The following IL1RAPL2 variants were observed in gnomAD, a reference collection of about 807,000 sequenced individuals.
IL1RAPL2 encodes interleukin 1 receptor accessory protein like 2.
Under a neutral mutation model 44.1 loss-of-function variants are expected in IL1RAPL2, and 3 were observed. The observed-to-expected ratio is 0.07, with a 90% CI of 0.03 to 0.18. The LOEUF is 0.18. Ranked by LOEUF, IL1RAPL2 falls within the 10% of genes least tolerant of loss-of-function variation. IL1RAPL2 has a pLI of 1.00. For missense variants in IL1RAPL2, 391 were observed against 496.4 expected, an observed-to-expected ratio of 0.79 and a Z score of 2.02; for synonymous variants, 181 against 178.8, an observed-to-expected ratio of 1.01 and a Z score of -0.10.
chrX:104,647,211 G>A (rs1165711237), intron 1 of IL1RAPL2: 2 of 339,992 alleles, frequency 5.9e-6, no homozygotes, highest in African/African-American at 5.2e-5. Context: ...CACTGGGACA[G>A]CTGGAGGAGG....
At chrX:104,582,597 TTTC>T (rs1307024455) in intron 1 of IL1RAPL2, among the ~76,000 whole-genome samples, 23 of 28,614 alleles carry the variant, frequency 8.0e-4, no homozygotes, top group African/African-American at 3.6e-3. Context: ...TTTCTTTCTT[TTTC>T]TTTCTTTCTT....
intron 6 of IL1RAPL2, among the ~76,000 whole-genome samples, chrX:105,687,035 G>T: frequency 9.0e-6 from 1 of 111,680 alleles, no homozygotes; most frequent in Non-Finnish European, 1.9e-5. Context: ...TGAGAACAAA[G>T]ACACAATGTA....
In IL1RAPL2 at chrX:104,732,501, CAATA is replaced by C. The variant is rs774413125; in HGVS notation, c.82+73514_82+73517del. On this transcript the variant is annotated intron_variant, in intron 2 of 10. Transcript: ENST00000372582. The stretch of plus-strand genomic sequence containing the variant: ...TAACAATATCTTGAAAAACTTTGTA[CAATA>C]AATAAATCATAGAATTGAACAAATG... Among the ~76,000 whole-genome samples, 62 of 111,396 alleles carry C rather than the reference CAATA, an allele frequency of 5.6e-4. No homozygotes were observed. The Middle Eastern group carries it at 0.019, about 34-fold the overall frequency.
chrX:105,583,292 T>C (rs2037102537), intron 6 of IL1RAPL2, among the ~76,000 whole-genome samples: 1 of 109,851 alleles, frequency 9.1e-6, no homozygotes, highest in Admixed American at 9.7e-5. Flanking sequence ...GTGACATCAC[T>C]CCCGGCTAAT....
intron 2 of IL1RAPL2, among the ~76,000 whole-genome samples, chrX:104,750,296 C>G (rs1326787143): frequency 1.8e-5 from 2 of 111,037 alleles, no homozygotes; most frequent in East Asian, 5.7e-4. Context: ...GCAATGAAGC[C>G]AAAGGGCAGT....
intron 6 of IL1RAPL2, among the ~76,000 whole-genome samples, chrX:105,585,572 G>A (rs1260481721): frequency 2.7e-5 from 3 of 110,747 alleles, no homozygotes; most frequent in Non-Finnish European, 3.8e-5. Flanking sequence ...GTGTCCATGT[G>A]TTCTCATTGT....
At chrX:104,616,161 C>T (rs1367585336) in intron 1 of IL1RAPL2, among the ~76,000 whole-genome samples, 1 of 112,233 alleles carries the variant, frequency 8.9e-6, no homozygotes, top group Admixed American at 9.4e-5. Context: ...ATTTTCTCCG[C>T]TCTGTATGTT....
chrX:104,642,047 G>C (rs1282521826), intron 1 of IL1RAPL2, among the ~76,000 whole-genome samples: 1 of 111,112 alleles, frequency 9.0e-6, no homozygotes, highest in Non-Finnish European at 1.9e-5. Flanking sequence ...AGCCAAGATT[G>C]CATGATTCCA....
intron 2 of IL1RAPL2, among the ~76,000 whole-genome samples, chrX:104,950,342 G>A (rs908969050): frequency 8.9e-6 from 1 of 112,238 alleles, no homozygotes; most frequent in Admixed American, 9.4e-5. Flanking sequence ...CTCCAGCTGC[G>A]TGCTGGGAGA....
At chrX:105,766,786 G>T (rs552717312) in intron 10 of IL1RAPL2, among the ~76,000 whole-genome samples, 178 bp from the exon 11 acceptor site, 1 of 95,036 alleles carries the variant, frequency 1.1e-5, no homozygotes, top group Non-Finnish European at 2.0e-5. Context: ...AGAAAATAAC[G>T]ATTATAAGCA....
intron 2 of IL1RAPL2, among the ~76,000 whole-genome samples, chrX:105,119,538 A>T (rs2045787492): frequency 1.8e-5 from 2 of 111,645 alleles, no homozygotes; most frequent in African/African-American, 3.3e-5. Context: ...CTGTAGCTTT[A>T]GGTTGTTGTT....
intron 7 of IL1RAPL2, among the ~76,000 whole-genome samples, chrX:105,730,148 G>A (rs1399422333): frequency 9.0e-6 from 1 of 110,818 alleles, no homozygotes; most frequent in Non-Finnish European, 1.9e-5. Flanking sequence ...GACACATATA[G>A]ACTAAAAGTA....
At position 105,417,515 on chromosome X, in the gene IL1RAPL2, C is replaced by T. The variant is rs1286711264; in HGVS notation, c.698-66798C>T. Among the ~76,000 whole-genome samples the T allele has an allele frequency of 8.9e-5, 10 of 112,538 alleles. No individual in the cohort carries two copies. In the Admixed American group the frequency reaches 9.4e-4, roughly 11 times the overall value. On this transcript the variant is annotated intron_variant, in intron 5 of 10. Transcript: ENST00000372582. ...ATTTATATGAAATTATTAGAAAATC[C>T]TGAAAGAAAGAGTATTCATTTGGTC...
chrX:105,209,768 A>G (rs2033793470), intron 3 of IL1RAPL2, among the ~76,000 whole-genome samples: 1 of 112,252 alleles, frequency 8.9e-6, no homozygotes, highest in South Asian at 3.7e-4. Flanking sequence ...GAAAATGTTA[A>G]TATCTTTCCA....
intron 2 of IL1RAPL2, among the ~76,000 whole-genome samples, chrX:104,699,467 T>A (rs1931238228): frequency 1.8e-5 from 2 of 111,550 alleles, no homozygotes; most frequent in Admixed American, 1.9e-4. Context: ...ATCCCGCCCC[T>A]GATCTGACAG....
intron 5 of IL1RAPL2, among the ~76,000 whole-genome samples, chrX:105,270,200 A>G (rs2034436262): frequency 1.8e-5 from 2 of 111,656 alleles, no homozygotes; most frequent in South Asian, 7.4e-4. Flanking sequence ...ATGCTTTCCA[A>G]GGATCATGTT....
rs2038378058 is a variant in IL1RAPL2, at chrX:105,729,102, G to A, written c.903-11444G>A. Among the ~76,000 whole-genome samples the A allele has an allele frequency of 2.7e-5, 3 of 111,069 alleles. No individual in the cohort carries two copies. The Admixed American group carries it at 2.9e-4, about 11-fold the overall frequency. On this transcript the variant is annotated intron_variant, in intron 7 of 10. Transcript: ENST00000372582. ...ATGAATAATATTTTATTGTCTGGATGTACCACAATTGTTTACCCATTTACC... is the reference window on the plus strand; with the variant it reads ...ATGAATAATATTTTATTGTCTGGATATACCACAATTGTTTACCCATTTACC...
intron 2 of IL1RAPL2, among the ~76,000 whole-genome samples, chrX:104,905,499 T>A (rs1443346957): frequency 2.7e-5 from 3 of 111,919 alleles, no homozygotes; most frequent in Non-Finnish European, 5.6e-5. Flanking sequence ...AAAGAAGGGA[T>A]CCAGTTTCAG....
At chrX:105,515,371 C>T (rs2036505042) in intron 6 of IL1RAPL2, among the ~76,000 whole-genome samples, 1 of 112,058 alleles carries the variant, frequency 8.9e-6, no homozygotes, top group African/African-American at 3.2e-5. Context: ...TATCTTGAAT[C>T]TCAGGCTGCA....
Sources: allele counts gnomAD v4.1 joint callset (sites outside exome capture counted in the v4.1 genomes callset), GRCh38; gene constraint gnomAD v4.1.1; transcripts MANE v1.5; gene names NCBI Gene and HGNC (gene_info 2026-07-23, HGNC 2026-07-21).